The following STARD13 variants were observed in gnomAD, a reference collection of about 807,000 sequenced individuals.
The protein encoded by STARD13 is stAR-related lipid transfer protein 13.
A neutral mutation model predicts 106.4 loss-of-function variants in STARD13; 62 were observed. That is an observed-to-expected ratio of 0.58 (90% CI 0.48 to 0.72). The LOEUF (loss-of-function observed/expected upper bound fraction) is 0.72, where lower values mean the gene tolerates loss of function less well. STARD13 is among the 30% of genes least tolerant of loss of function. The pLI is 0.00. For synonymous variants in STARD13, 565 were observed against 553.0 expected (o/e 1.02, Z -0.31); for missense variants, 1,387 against 1,424.0 (o/e 0.97, Z 0.42).
the STARD13 span, among the ~76,000 whole-genome samples, chr13:33,400,842 G>A: frequency 6.6e-6 from 1 of 152,124 alleles, no homozygotes; most frequent in African/African-American, 2.4e-5. Context: ...TAAAATGGGT[G>A]CATTTCAGCA....
At chr13:33,342,632 G>A (rs116245360) in intron 1 of STARD13, among the ~76,000 whole-genome samples, 1,655 of 151,986 alleles carry the variant, frequency 0.011, 24 homozygotes, top group African/African-American at 0.036. Flanking sequence ...CTGGGCAAGA[G>A]CTATCTTCCC....
chr13:33,434,031 T>C, the STARD13 span, among the ~76,000 whole-genome samples: 2 of 152,118 alleles, frequency 1.3e-5, no homozygotes, highest in Non-Finnish European at 2.9e-5. Flanking sequence ...GGAGAGTATT[T>C]GTTTAGTGAA....
intron 7 of STARD13, among the ~76,000 whole-genome samples, chr13:33,124,316 GTGAC>G (rs1196508284): frequency 6.6e-6 from 1 of 152,222 alleles, no homozygotes; most frequent in Admixed American, 6.5e-5. Flanking sequence ...TTATAAGGTG[GTGAC>G]TGACTGTGGT....
the STARD13 span, among the ~76,000 whole-genome samples, chr13:33,595,488 T>G: frequency 3.9e-5 from 6 of 152,126 alleles, no homozygotes; most frequent in African/African-American, 1.4e-4. Flanking sequence ...ATTTAAATTA[T>G]AATGAGAACA....
chr13:33,328,358 C>T (rs1594268582), intron 1 of STARD13, among the ~76,000 whole-genome samples: 2 of 152,324 alleles, frequency 1.3e-5, no homozygotes, highest in Middle Eastern at 6.8e-3. Context: ...GTCAAAATGT[C>T]CTCATTATAA....
chr13:33,330,739 CACTT>C (rs1318988432), intron 1 of STARD13, among the ~76,000 whole-genome samples: 1 of 152,166 alleles, frequency 6.6e-6, no homozygotes, highest in Non-Finnish European at 1.5e-5. Context: ...GTATTTCTGA[CACTT>C]ACTTTAACTC....
At chr13:33,583,882 A>G in the STARD13 span, among the ~76,000 whole-genome samples, 4 of 150,778 alleles carry the variant, frequency 2.7e-5, no homozygotes, top group African/African-American at 9.8e-5. Context: ...GTCAGTAGGC[A>G]TTTATTTCCA....
chr13:33,223,236 G>A (rs1447370032), intron 1 of STARD13, among the ~76,000 whole-genome samples: 1 of 152,174 alleles, frequency 6.6e-6, no homozygotes, highest in Non-Finnish European at 1.5e-5. Context: ...TTATAGAGAA[G>A]TCCCACTTTG....
the STARD13 span, among the ~76,000 whole-genome samples, chr13:33,659,498 G>A: frequency 0.014 from 2,115 of 152,350 alleles, 53 homozygotes; most frequent in African/African-American, 0.048. Flanking sequence ...ACAGGTGTGA[G>A]CCACTGCTCC....
intron 7 of STARD13, among the ~76,000 whole-genome samples, chr13:33,122,234 G>A (rs1484160926): frequency 1.3e-5 from 2 of 152,144 alleles, no homozygotes; most frequent in East Asian, 1.9e-4. Context: ...TGCCCACCTC[G>A]GCCTCCCAAA....
chr13:33,595,138 A>G, the STARD13 span, among the ~76,000 whole-genome samples: 1 of 152,184 alleles, frequency 6.6e-6, no homozygotes, highest in African/African-American at 2.4e-5. Context: ...TACCATTTCC[A>G]CTTCTTCACA....
intron 1 of STARD13, among the ~76,000 whole-genome samples, chr13:33,302,179 G>A (rs1172521806): frequency 6.6e-6 from 1 of 152,190 alleles, no homozygotes; most frequent in Non-Finnish European, 1.5e-5. Flanking sequence ...AACACTACCT[G>A]ATGCTGAGTA....
the STARD13 span, among the ~76,000 whole-genome samples, chr13:33,609,085 C>CAAAAAAAAAAAAAAAA: frequency 4.0e-5 from 2 of 50,568 alleles, no homozygotes; most frequent in African/African-American, 9.6e-5. Flanking sequence ...GACTCCGTCT[C>CAAAAAAAAAAAAAAAA]AAAAAAAAAA....
the STARD13 span, among the ~76,000 whole-genome samples, chr13:33,553,666 G>A: frequency 1.3e-5 from 2 of 149,328 alleles, no homozygotes; most frequent in Admixed American, 6.7e-5. Flanking sequence ...TGCAACCTTC[G>A]CCTCCAGGGT....
At chr13:33,542,574 A>G in the STARD13 span, among the ~76,000 whole-genome samples, 17 of 152,160 alleles carry the variant, frequency 1.1e-4, no homozygotes, top group East Asian at 3.3e-3. Context: ...TCGCCCTCCC[A>G]CCAAGACGAG....
chr13:33,463,120 T>C, the STARD13 span, among the ~76,000 whole-genome samples: 2 of 152,164 alleles, frequency 1.3e-5, no homozygotes. Context: ...AGCCTCCGAA[T>C]TGGTGCTTAG....
Position 33,110,958 on chromosome 13 carries a change from G to A in STARD13, c.2608-51C>T, listed in dbSNP as rs140415550. On this transcript the variant is annotated intron_variant, in intron 10 of 13. Transcript: ENST00000336934. ...CAACACACTGAGCCAAAGAAACGCC[G>A]AGACTCAAAGAAAGCAAAGCCATTT... 357 of 1,518,186 alleles carry A rather than the reference G, an allele frequency of 2.4e-4. No homozygotes were observed. In the African/African-American group the frequency reaches 3.6e-3, roughly 15 times the overall value. The allele number at this position is 1,518,186 out of a possible 1,614,324, so 94.0% of individuals were successfully genotyped here. A position where few individuals can be genotyped will look rare whatever the true frequency, so the allele number is the denominator to read the frequency against.
intron 4 of STARD13, among the ~76,000 whole-genome samples, chr13:33,140,903 C>A (rs553453762): frequency 1.3e-5 from 2 of 151,950 alleles, no homozygotes; most frequent in Non-Finnish European, 2.9e-5. Context: ...GGACTACAGG[C>A]GTGTGCCACC....
At chr13:33,481,840 G>A in the STARD13 span, among the ~76,000 whole-genome samples, 14 of 126,158 alleles carry the variant, frequency 1.1e-4, no homozygotes, top group Admixed American at 6.3e-4. Context: ...TTAGCCGGGC[G>A]TGGTGGTGGC....
Sources: gnomAD v4.1 joint callset for allele counts (sites outside exome capture counted in the v4.1 genomes callset) on GRCh38, gnomAD v4.1.1 for gene constraint, MANE v1.5 for transcripts, NCBI Gene and HGNC (gene_info 2026-07-23, HGNC 2026-07-21) for gene names.